The following CCBE1 variants were observed in gnomAD, a reference collection of about 807,000 sequenced individuals.
CCBE1 encodes collagen and calcium binding EGF domains 1, also known as collagen and calcium-binding EGF domain-containing protein 1.
CCBE1 carries 37 observed loss-of-function variants against 50.0 expected under a neutral mutation model. The observed-to-expected ratio is 0.74, with a 90% CI of 0.57 to 0.97. The LOEUF is 0.97. Ranked by LOEUF, CCBE1 falls within the 50% of genes least tolerant of loss-of-function variation. The pLI, the probability that CCBE1 is intolerant of heterozygous loss-of-function variation, is 0.00. For synonymous variants in CCBE1, 234 were observed against 203.7 expected, an observed-to-expected ratio of 1.15 and a Z score of -1.27; for missense variants, 538 against 523.8, an observed-to-expected ratio of 1.03 and a Z score of -0.26.
chr18:59,590,131 C>G (rs1478296422), intron 2 of CCBE1, among the ~76,000 whole-genome samples: 1 of 152,180 alleles, frequency 6.6e-6, no homozygotes, highest in Non-Finnish European at 1.5e-5. Context: ...CCCACTACTA[C>G]TGAACATTAT....
At chr18:59,441,982 TCTTTCTTGC>T (rs1316629241) in intron 7 of CCBE1, among the ~76,000 whole-genome samples, 1 of 152,194 alleles carries the variant, frequency 6.6e-6, no homozygotes, top group African/African-American at 2.4e-5. Context: ...TTCATTCTTG[TCTTTCTTGC>T]CAAGCATTTT....
At chr18:59,656,977 T>G (rs942991159) in intron 2 of CCBE1, among the ~76,000 whole-genome samples, 7 of 152,160 alleles carry the variant, frequency 4.6e-5, no homozygotes, top group African/African-American at 1.7e-4. Context: ...GTTTACTGGC[T>G]TCATGAATTC....
intron 2 of CCBE1, among the ~76,000 whole-genome samples, chr18:59,605,324 C>T (rs1028610900): frequency 6.6e-6 from 1 of 152,108 alleles, no homozygotes; most frequent in Non-Finnish European, 1.5e-5. Context: ...CCAGTCACAG[C>T]GATAACAAGA....
chr18:59,569,695 A>G (rs550175649), intron 2 of CCBE1, among the ~76,000 whole-genome samples: 1 of 150,732 alleles, frequency 6.6e-6, no homozygotes. Context: ...CAGCAGCACA[A>G]TCAATCATAG....
At chr18:59,669,516 G>C (rs1227655041) in intron 2 of CCBE1, among the ~76,000 whole-genome samples, 3 of 152,236 alleles carry the variant, frequency 2.0e-5, no homozygotes, top group Non-Finnish European at 4.4e-5. Flanking sequence ...GGAGTCAAGA[G>C]AGTCACTACT....
chr18:59,692,731 C>A (rs1158518045), intron 2 of CCBE1, among the ~76,000 whole-genome samples: 3 of 152,144 alleles, frequency 2.0e-5, no homozygotes, highest in Non-Finnish European at 4.4e-5. Flanking sequence ...TTACATCCCC[C>A]ATGTCACTAT....
At chr18:59,460,983 A>T (rs571857391) in intron 5 of CCBE1, among the ~76,000 whole-genome samples, 58 of 148,552 alleles carry the variant, frequency 3.9e-4, no homozygotes, top group Non-Finnish European at 6.6e-4. Flanking sequence ...AAATAAAAAT[A>T]AAAAAATGAG....
chr18:59,560,739 T>C (rs1194543412), intron 2 of CCBE1, among the ~76,000 whole-genome samples: 1 of 152,198 alleles, frequency 6.6e-6, no homozygotes, highest in African/African-American at 2.4e-5. Context: ...CATAAGAGTG[T>C]GGCAGGGCGG....
At chr18:59,511,535 A>G (rs1299961594) in intron 2 of CCBE1, among the ~76,000 whole-genome samples, 1 of 152,226 alleles carries the variant, frequency 6.6e-6, no homozygotes, top group Admixed American at 6.5e-5. Flanking sequence ...ATTTTCTTAC[A>G]TTCATATAAT....
chr18:59,678,265 T>C (rs1271158658), intron 2 of CCBE1, among the ~76,000 whole-genome samples: 2 of 152,160 alleles, frequency 1.3e-5, no homozygotes, highest in African/African-American at 4.8e-5. Flanking sequence ...AGAAAGCAGT[T>C]GCTGTGGTGA....
intron 5 of CCBE1, among the ~76,000 whole-genome samples, chr18:59,457,902 A>G (rs1254164694): frequency 1.3e-5 from 2 of 152,216 alleles, no homozygotes; most frequent in Non-Finnish European, 2.9e-5. Context: ...CCATGCAATA[A>G]TATACTTAGT....
chr18:59,518,171 T>C (rs1301532729), intron 2 of CCBE1, among the ~76,000 whole-genome samples: 1 of 152,164 alleles, frequency 6.6e-6, no homozygotes. Flanking sequence ...TTTACACACA[T>C]TTTGATGTTA....
intron 2 of CCBE1, among the ~76,000 whole-genome samples, chr18:59,532,908 C>T (rs2144358303): frequency 6.6e-6 from 1 of 152,348 alleles, no homozygotes; most frequent in East Asian, 1.9e-4. Context: ...ACTGCTGCAT[C>T]TGCCTGGGAA....
chr18:59,490,713 C>T (rs569585957), intron 2 of CCBE1, among the ~76,000 whole-genome samples: 2 of 152,190 alleles, frequency 1.3e-5, no homozygotes, highest in Non-Finnish European at 2.9e-5. Context: ...GACTAAGTCA[C>T]CTGGAGCCAC....
At position 59,683,428 on chromosome 18, in the gene CCBE1, G is replaced by GCTCA. The variant is rs1314078536; in HGVS notation, c.212+13197_212+13200dup. On this transcript the variant is annotated intron_variant, in intron 2 of 10. Transcript: ENST00000439986. ...AAAAGACAGTTGGCCAGGCGGGGTG[G>GCTCA]CTCACGCCTGTAATCCCAGCACTGT... 2.0e-5 allele frequency among the ~76,000 whole-genome samples: 3 copies of GCTCA among 152,342 alleles called. No individual in the cohort carries two copies. The East Asian group carries it at 5.8e-4, about 29-fold the overall frequency.
At chr18:59,647,591 AT>A (rs2144659328) in intron 2 of CCBE1, among the ~76,000 whole-genome samples, 1 of 152,294 alleles carries the variant, frequency 6.6e-6, no homozygotes, top group South Asian at 2.1e-4. Flanking sequence ...CAAAAAGAAT[AT>A]TCTGTCTAGT....
intron 2 of CCBE1, among the ~76,000 whole-genome samples, chr18:59,689,189 C>T (rs1357037298): frequency 1.3e-5 from 2 of 152,232 alleles, no homozygotes; most frequent in African/African-American, 4.8e-5. Flanking sequence ...CTGTATCTCC[C>T]ACCAGTTCTG....
At chr18:59,617,183 T>C (rs946178650) in intron 2 of CCBE1, among the ~76,000 whole-genome samples, 1 of 152,214 alleles carries the variant, frequency 6.6e-6, no homozygotes, top group African/African-American at 2.4e-5. Flanking sequence ...CACTGGAACA[T>C]GGCATCATAT....
In CCBE1 at chr18:59,696,812, G is replaced by T. The variant is rs566366635; in HGVS notation, c.132-103C>A. The T allele has an allele frequency of 7.4e-4, 948 of 1,272,632 alleles. 18 individuals carry two copies. The South Asian group carries it at 0.011, about 15-fold the overall frequency. The allele number at this position is 1,272,632 out of a possible 1,614,324, so 78.8% of individuals were successfully genotyped here. The stretch of plus-strand genomic sequence containing the variant: ...GCGCGTGGGGATCGCCAGGCTCCCC[G>T]TCCCGGCGCTCTGGGCAGGGGCTGG... On this transcript the variant is annotated intron_variant, in intron 1 of 10. Transcript: ENST00000439986.
Sources: allele counts gnomAD v4.1 joint callset (sites outside exome capture counted in the v4.1 genomes callset), GRCh38; gene constraint gnomAD v4.1.1; transcripts MANE v1.5; gene names NCBI Gene and HGNC (gene_info 2026-07-23, HGNC 2026-07-21).